Variants in NEBL observed in about 807,000 individuals in gnomAD.
NEBL encodes nebulette, also known as LIM and SH3 protein 2.
Under a neutral mutation model 140.2 loss-of-function variants are expected in NEBL, and 122 were observed. The ratio of observed to expected loss-of-function variants is 0.87; its 90% CI spans 0.75 to 1.01. NEBL has a LOEUF of 1.01. Ranked by LOEUF, NEBL falls within the 50% of genes least tolerant of loss-of-function variation. The pLI is 0.00. For missense variants in NEBL, 1,365 were observed against 1,231.3 expected (o/e 1.11, Z -1.62); for synonymous variants, 436 against 398.9 (o/e 1.09, Z -1.11).
chr10:21,096,640 A>G (rs561367093), intron 2 of NEBL, among the ~76,000 whole-genome samples: 6 of 152,104 alleles, frequency 3.9e-5, no homozygotes, highest in Non-Finnish European at 5.9e-5. Context: ...CAGTTTTCCC[A>G]GTAGCTGGGA....
intron 2 of NEBL, chr10:21,030,210 G>A (rs745817007): frequency 2.1e-5 from 11 of 513,596 alleles, no homozygotes; most frequent in South Asian, 1.3e-4. Flanking sequence ...TGACGGCCTC[G>A]GGAGAGACAC....
chr10:21,125,835 C>G (rs41307495), intron 2 of NEBL: 2 of 1,609,774 alleles, frequency 1.2e-6, no homozygotes, highest in East Asian at 4.5e-5. Flanking sequence ...ACAAAAAAGT[C>G]ATTTTCAGCA....
chr10:21,135,176 T>C (rs1418326490), intron 2 of NEBL, among the ~76,000 whole-genome samples: 1 of 152,228 alleles, frequency 6.6e-6, no homozygotes, highest in Non-Finnish European at 1.5e-5. Flanking sequence ...GAACTCCACC[T>C]TGGGGACATT....
chr10:20,930,998 C>T (rs1291991468), intron 4 of NEBL, among the ~76,000 whole-genome samples: 3 of 152,150 alleles, frequency 2.0e-5, no homozygotes, highest in Non-Finnish European at 2.9e-5. Flanking sequence ...TCCAGTCAAT[C>T]GTGGAAAATC....
In NEBL at chr10:20,819,434, T is replaced by A; in HGVS notation, c.2045A>T (p.Gln682Leu). ...ACAGAAACGACTTGCCGCACTCAGC[T>A]GCTCCTGGTTTCGCCTCACTCTCTC... ...EIERVRRNQE[Q>L]LSAVKYKGEL... Residue 682 changes from glutamine (Q) to leucine (L), a missense_variant, in exon 20 of 28, where the codon CAG becomes CTG. Around this residue, in one of 2 missense-constraint regions of NEBL, gnomAD observed 1,323 missense variants for 1,154.8 expected, o/e 1.15. Coordinates refer to ENST00000377122, the MANE Select transcript of NEBL (RefSeq NM_006393.3). 4 of 1,614,128 alleles carry A rather than the reference T, an allele frequency of 2.5e-6. No individual in the cohort carries two copies. Among genetic ancestry groups the A allele is most frequent in the Non-Finnish European group, 3.4e-6 (4 of 1,179,994 alleles).
At chr10:21,193,397 T>C (rs978216764) in intron 3 of NEBL, among the ~76,000 whole-genome samples, 7 of 151,772 alleles carry the variant, frequency 4.6e-5, no homozygotes, top group African/African-American at 1.7e-4. Context: ...GGTGCAGGAG[T>C]GATGAGTTGG....
intron 2 of NEBL, among the ~76,000 whole-genome samples, chr10:21,122,632 A>G (rs1348897183): frequency 6.6e-6 from 1 of 152,164 alleles, no homozygotes. Flanking sequence ...AAAGGCAGAA[A>G]ATGAGACTTA....
At chr10:21,106,786 A>G (rs546945659) in intron 2 of NEBL, among the ~76,000 whole-genome samples, 153 of 152,230 alleles carry the variant, frequency 1.0e-3, no homozygotes, top group Non-Finnish European at 1.7e-3. Flanking sequence ...CAGTATGGCC[A>G]TTTTCAGGAT....
intron 4 of NEBL, among the ~76,000 whole-genome samples, chr10:20,914,660 C>T (rs1433899307): frequency 6.6e-6 from 1 of 151,828 alleles, no homozygotes; most frequent in Non-Finnish European, 1.5e-5. Context: ...ACATAATGTC[C>T]TCTTGTGGGT....
intron 1 of NEBL, among the ~76,000 whole-genome samples, chr10:21,276,548 C>T (rs752644607): frequency 3.1e-4 from 47 of 152,274 alleles, no homozygotes; most frequent in East Asian, 2.9e-3. Flanking sequence ...GATTGCCACT[C>T]GAGTATGATG....
intron 4 of NEBL, among the ~76,000 whole-genome samples, chr10:20,950,528 G>A (rs576173531): frequency 8.5e-5 from 13 of 152,316 alleles, no homozygotes; most frequent in African/African-American, 3.1e-4. Flanking sequence ...ATCCTAGGAT[G>A]AACATGAAAC....
chr10:21,081,996 T>C (rs1836388267), intron 2 of NEBL, among the ~76,000 whole-genome samples: 1 of 152,224 alleles, frequency 6.6e-6, no homozygotes, highest in South Asian at 2.1e-4. Flanking sequence ...CTTCATCAAA[T>C]GATGAAAGTG....
chr10:21,044,397 T>TAAAAAAAAAAAAAAAAAAAAAAAAAAA lies in NEBL; in HGVS notation c.165-24223_165-24197dup, dbSNP rs57176129. 5.7e-5 allele frequency among the ~76,000 whole-genome samples: 2 copies of TAAAAAAAAAAAAAAAAAAAAAAAAAAA among 34,870 alleles called. 1 individual carries two copies. The highest frequency in any genetic ancestry group is 9.0e-5 in the Non-Finnish European group (2 of 22,178). 22.9% of individuals were successfully genotyped at this position (34,870 alleles called of 152,430 possible). A position where few individuals can be genotyped will look rare whatever the true frequency, so the allele number is the denominator to read the frequency against. On this transcript the variant is annotated intron_variant, in intron 2 of 6. Coordinates refer to the NEBL transcript ENST00000417816. Reference sequence around the variant, plus strand: ...GGGTGACTGGGTGACAGAGTAAGAATAAAAAAAAAAAAAAAAAAAAAAAAA... The same window carrying TAAAAAAAAAAAAAAAAAAAAAAAAAAA: ...GGGTGACTGGGTGACAGAGTAAGAATAAAAAAAAAAAAAAAAAAAAAAAAAAAAAAAAAAAAAAAAAAAAAAAAAAAA...
At chr10:21,115,210 G>T (rs1169029240) in intron 2 of NEBL, among the ~76,000 whole-genome samples, 3 of 151,734 alleles carry the variant, frequency 2.0e-5, no homozygotes, top group African/African-American at 7.3e-5. Flanking sequence ...TGGCCTTTGT[G>T]CTACTATTGT....
chr10:21,221,069 G>A (rs1205857809), intron 3 of NEBL, among the ~76,000 whole-genome samples: 1 of 152,098 alleles, frequency 6.6e-6, no homozygotes, highest in Non-Finnish European at 1.5e-5. Flanking sequence ...TGGGAGGATT[G>A]CTTGAGCCCA....
At chr10:21,283,246 G>A (rs1026683401) in intron 1 of NEBL, among the ~76,000 whole-genome samples, 1 of 151,814 alleles carries the variant, frequency 6.6e-6, no homozygotes, top group Admixed American at 6.6e-5. Flanking sequence ...TCCCATTAGC[G>A]CCATGACGGT....
intron 23 of NEBL, 81 bp downstream of exon 23, chr10:20,813,858 T>A (rs1397519175): frequency 1.1e-6 from 1 of 924,872 alleles, no homozygotes; most frequent in Non-Finnish European, 1.8e-6. Flanking sequence ...AGTTATCGGA[T>A]TAATAGTGAA....
chr10:21,119,115 C>A (rs1838408240), intron 2 of NEBL, among the ~76,000 whole-genome samples: 2 of 152,162 alleles, frequency 1.3e-5, no homozygotes, highest in Admixed American at 1.3e-4. Context: ...ATCAATCTCA[C>A]TTTACAGTTT....
Position 20,826,495 on chromosome 10 carries a change from A to G in NEBL, c.1821T>C (p.Asp607=). The change falls in exon 18 of 28, where the codon GAT becomes GAC. Residue 607 remains aspartate, a synonymous_variant. Coordinates refer to ENST00000377122, the MANE Select transcript of NEBL (RefSeq NM_006393.3). ...TCTTCACTCGTTCGATCTCTGGGCT[A>G]TCTTTCACTGCAGTGCCAGCTCCCA... ...KEVGAGTAVK[D]SPEIERVKKN... is the part of the protein sequence containing the mutation. The G allele has an allele frequency of 6.2e-7, 1 of 1,613,056 alleles. No individual in the cohort carries two copies. The highest frequency in any genetic ancestry group is 8.5e-7 in the Non-Finnish European group (1 of 1,179,298).
Sources: gnomAD v4.1 joint callset for allele counts (sites outside exome capture counted in the v4.1 genomes callset) on GRCh38, gnomAD v4.1.1 for gene constraint, gnomAD v4.1.1 regional missense constraint, MANE v1.5 for transcripts, NCBI Gene and HGNC (gene_info 2026-07-23, HGNC 2026-07-21) for gene names.